The following ANKS1B variants were observed in gnomAD, a reference collection of about 807,000 sequenced individuals.
The protein encoded by ANKS1B is ankyrin repeat and sterile alpha motif domain-containing protein 1B.
In ANKS1B, 36 loss-of-function variants were observed where a neutral mutation model predicts 148.3. That is an observed-to-expected ratio of 0.24 (90% CI 0.19 to 0.32). The LOEUF (loss-of-function observed/expected upper bound fraction) is 0.32. ANKS1B is among the 10% of genes least tolerant of loss of function. The pLI, the probability that ANKS1B is intolerant of heterozygous loss-of-function variation, is 1.00. For missense variants in ANKS1B, 1,157 were observed against 1,542.6 expected, an observed-to-expected ratio of 0.75 and a Z score of 4.19; for synonymous variants, 542 against 560.8, an observed-to-expected ratio of 0.97 and a Z score of 0.47.
intron 14 of ANKS1B, among the ~76,000 whole-genome samples, chr12:99,186,734 A>G (rs1601516423): frequency 2.6e-5 from 4 of 152,170 alleles, no homozygotes; most frequent in African/African-American, 7.2e-5. Context: ...CCCTATCAGA[A>G]GTCCAAAGGT....
intron 8 of ANKS1B, among the ~76,000 whole-genome samples, chr12:99,746,962 T>C (rs760184261): frequency 6.6e-5 from 10 of 152,108 alleles, no homozygotes; most frequent in Non-Finnish European, 1.5e-4. Context: ...TTCAGTGTCA[T>C]GGAACTGGAA....
At chr12:98,860,231 T>C (rs2152123742) in intron 17 of ANKS1B, among the ~76,000 whole-genome samples, 1 of 152,352 alleles carries the variant, frequency 6.6e-6, no homozygotes, top group East Asian at 1.9e-4. Context: ...CTGAAATATA[T>C]TCTATGAACA....
At position 98,831,844 on chromosome 12, in the gene ANKS1B, G is replaced by A. The variant is rs996765888; in HGVS notation, c.2886+185C>T. 3 of 628,368 alleles carry A rather than the reference G, an allele frequency of 4.8e-6. No homozygotes were observed. In the African/African-American group the frequency reaches 5.4e-5, roughly 11 times the overall value. 38.9% of individuals were successfully genotyped at this position (628,368 alleles called of 1,614,324 possible). A position where few individuals can be genotyped will look rare whatever the true frequency, so the allele number is the denominator to read the frequency against. On this transcript the variant is annotated intron_variant, in intron 18 of 26. Coordinates refer to ENST00000683438, the MANE Select transcript of ANKS1B (RefSeq NM_001352186.2). ...GCTCACTGCAATGCTCCGCCTTCTGGGTTCAAGTGATTTTCATGTCTCAGC... is the reference window on the plus strand; with the variant it reads ...GCTCACTGCAATGCTCCGCCTTCTGAGTTCAAGTGATTTTCATGTCTCAGC...
intron 15 of ANKS1B, among the ~76,000 whole-genome samples, chr12:99,123,347 G>T (rs1266079979): frequency 6.6e-6 from 1 of 152,162 alleles, no homozygotes; most frequent in African/African-American, 2.4e-5. Flanking sequence ...TAAACAGAAG[G>T]TTAGCAGGGC....
intron 12 of ANKS1B, among the ~76,000 whole-genome samples, chr12:99,262,601 T>A (rs2076033934): frequency 6.6e-6 from 1 of 152,096 alleles, no homozygotes; most frequent in Non-Finnish European, 1.5e-5. Context: ...TTAACATTTT[T>A]ATATTTTTTC....
chr12:99,257,152 G>T (rs370494404), intron 12 of ANKS1B, among the ~76,000 whole-genome samples: 3 of 152,088 alleles, frequency 2.0e-5, no homozygotes, highest in Non-Finnish European at 4.4e-5. Context: ...GCTGAGGCAG[G>T]AGAATGGCGT....
intron 17 of ANKS1B, among the ~76,000 whole-genome samples, chr12:98,842,322 A>G (rs1021940796): frequency 6.6e-6 from 1 of 152,238 alleles, no homozygotes; most frequent in African/African-American, 2.4e-5. Flanking sequence ...GAAGCTGCAC[A>G]CACAAGATGA....
At chr12:99,619,519 C>T (rs1005770395) in intron 9 of ANKS1B, among the ~76,000 whole-genome samples, 5 of 151,982 alleles carry the variant, frequency 3.3e-5, no homozygotes, top group African/African-American at 4.8e-5. Context: ...CTGAACCTTC[C>T]CACCCTTCCT....
chr12:99,744,851 G>A (rs1176292481), intron 8 of ANKS1B, among the ~76,000 whole-genome samples: 3 of 151,880 alleles, frequency 2.0e-5, no homozygotes, highest in African/African-American at 7.3e-5. Context: ...AATTAGCTGG[G>A]CGTGGTGGCA....
intron 12 of ANKS1B, among the ~76,000 whole-genome samples, chr12:99,386,039 C>A (rs991447604): frequency 6.6e-6 from 1 of 152,162 alleles, no homozygotes; most frequent in African/African-American, 2.4e-5. Context: ...ATAGTCAACT[C>A]CTGATTATCC....
chr12:99,044,783 G>A (rs2099961245), intron 17 of ANKS1B, among the ~76,000 whole-genome samples: 1 of 152,112 alleles, frequency 6.6e-6, no homozygotes, highest in African/African-American at 2.4e-5. Flanking sequence ...ATCATAGAAA[G>A]CTCTTATTTG....
intron 1 of ANKS1B, among the ~76,000 whole-genome samples, chr12:99,899,049 A>G (rs1256662323): frequency 1.3e-5 from 2 of 152,212 alleles, no homozygotes; most frequent in Non-Finnish European, 2.9e-5. Context: ...CATTGGTGAT[A>G]ATAACAGTGA....
intron 9 of ANKS1B, among the ~76,000 whole-genome samples, chr12:99,599,842 G>A (rs575647620): frequency 6.6e-6 from 1 of 152,094 alleles, no homozygotes; most frequent in African/African-American, 2.4e-5. Context: ...ATGAAAGTCT[G>A]GAGTACAAAA....
At chr12:99,787,943 C>A (rs931240415) in intron 4 of ANKS1B, among the ~76,000 whole-genome samples, 1 of 152,190 alleles carries the variant, frequency 6.6e-6, no homozygotes, top group African/African-American at 2.4e-5. Flanking sequence ...ACCAGCCCAG[C>A]CAGAAGGGAA....
intron 11 of ANKS1B, among the ~76,000 whole-genome samples, chr12:99,402,543 T>C (rs1054689277): frequency 1.4e-5 from 2 of 145,830 alleles, no homozygotes; most frequent in African/African-American, 2.6e-5. Context: ...ATCATTTAGT[T>C]CCCAGTGATG....
chr12:99,555,312 G>C (rs1326263130), intron 9 of ANKS1B, among the ~76,000 whole-genome samples: 1 of 152,146 alleles, frequency 6.6e-6, no homozygotes, highest in Admixed American at 6.6e-5. Flanking sequence ...GTTTGCTGAA[G>C]TTGTTTATCA....
At chr12:98,942,552 C>T (rs1431325547) in intron 17 of ANKS1B, among the ~76,000 whole-genome samples, 1 of 152,192 alleles carries the variant, frequency 6.6e-6, no homozygotes, top group East Asian at 1.9e-4. Context: ...GCAGAATGTC[C>T]TTCTCTGTTC....
chr12:99,510,182 G>A (rs1249228928), intron 9 of ANKS1B, among the ~76,000 whole-genome samples: 2 of 151,966 alleles, frequency 1.3e-5, no homozygotes, highest in Non-Finnish European at 2.9e-5. Flanking sequence ...AGAGATTAAC[G>A]TTGTTTTCAT....
At chr12:99,052,089 A>G (rs1469746886) in intron 17 of ANKS1B, among the ~76,000 whole-genome samples, 2 of 152,256 alleles carry the variant, frequency 1.3e-5, no homozygotes, top group African/African-American at 4.8e-5. Context: ...TTACTGTTAA[A>G]AAGAAATGTG....
Sources: gnomAD v4.1 joint callset for allele counts (sites outside exome capture counted in the v4.1 genomes callset) on GRCh38, gnomAD v4.1.1 for gene constraint, MANE v1.5 for transcripts, NCBI Gene and HGNC (gene_info 2026-07-23, HGNC 2026-07-21) for gene names.